SMOX: variants seen among roughly 807,000 people sequenced by gnomAD.
SMOX encodes the protein spermine oxidase, also known as flavin containing amine oxidase.
In SMOX, 22 loss-of-function variants were observed where a neutral mutation model predicts 51.0. That is an observed-to-expected ratio of 0.43 (90% CI 0.31 to 0.62). The LOEUF is 0.62. Ranked by LOEUF, SMOX falls within the 20% of genes least tolerant of loss-of-function variation. The pLI, the probability that SMOX is intolerant of heterozygous loss-of-function variation, is 0.10. For missense variants in SMOX, 566 were observed against 777.7 expected (o/e 0.73, Z 3.24); for synonymous variants, 282 against 307.8 (o/e 0.92, Z 0.88).
intron 1 of SMOX, among the ~76,000 whole-genome samples, chr20:4,174,222 A>G (rs187061249): frequency 2.3e-3 from 347 of 152,286 alleles, no homozygotes; most frequent in African/African-American, 7.8e-3. Flanking sequence ...GCCAGAGACA[A>G]GAGAAGGGGC....
intron 2 of SMOX, among the ~76,000 whole-genome samples, chr20:4,176,484 A>T (rs1741316): frequency 0.038 from 5,729 of 152,236 alleles, 261 homozygotes; most frequent in East Asian, 0.21. Flanking sequence ...CTTGGCAAAA[A>T]GTGTGCCACA....
chr20:4,158,111 A>G (rs180846668), intron 1 of SMOX, among the ~76,000 whole-genome samples: 2,660 of 149,888 alleles, frequency 0.018, 80 homozygotes, highest in East Asian at 0.12. Context: ...CTTGTTAGCC[A>G]GGATGGTCTC....
In SMOX at chr20:4,183,795, G is replaced by C; in HGVS notation, c.1530+141G>C. On this transcript the variant is annotated intron_variant, in intron 6 of 6. Coordinates refer to ENST00000305958, the MANE Select transcript of SMOX (RefSeq NM_175839.3). The surrounding 1 kb of genome is among the most constrained non-coding windows in gnomAD (Gnocchi z 4.3). ...GGATGGAGTAGCTTCTGTAATGAGAGAGAACACAAGGAAAAAAGTGTGCAC... is the reference window on the plus strand; with the variant it reads ...GGATGGAGTAGCTTCTGTAATGAGACAGAACACAAGGAAAAAAGTGTGCAC... 1.1e-6 allele frequency: 1 copy of C among 922,692 alleles called. No individual in the cohort carries two copies. Among genetic ancestry groups the C allele is most frequent in the Non-Finnish European group, 1.5e-6 (1 of 666,068 alleles). 57.2% of individuals were successfully genotyped at this position (922,692 alleles called of 1,614,324 possible). A position where few individuals can be genotyped will look rare whatever the true frequency, so the allele number is the denominator to read the frequency against.
In SMOX at chr20:4,187,336, C is replaced by T; in HGVS notation, c.1597C>T (p.Leu533=). The change falls in exon 7 of 7, where the codon CTG becomes TTG. Residue 533 remains leucine (L), a synonymous_variant. Coordinates refer to ENST00000305958, the MANE Select transcript of SMOX (RefSeq NM_175839.3). This position sits in a 1 kb window ranked among gnomAD's most constrained non-coding sequence, Gnocchi z 4.8. The stretch of plus-strand genomic sequence containing the variant: ...GTACTATTCCACCACCCACGGTGCT[C>T]TGCTGTCCGGCCAGCGTGAGGCTGC... ...RKYYSTTHGA[L]LSGQREAARL... The T allele has an allele frequency of 4.3e-6, 7 of 1,614,238 alleles. No homozygotes were observed. The highest frequency in any genetic ancestry group is 5.9e-6 in the Non-Finnish European group (7 of 1,180,040).
rs115476884 is a variant in SMOX at position 4,174,695 on chromosome 20, G to A, written c.-26-335G>A. On this transcript the variant is annotated intron_variant, in intron 1 of 6. Coordinates refer to ENST00000305958, the MANE Select transcript of SMOX (RefSeq NM_175839.3). ...AGAAGCAGGGCCTAACAAGTTTGGG[G>A]GTGGGATTGAGAATTTCAGGGGCTT... Among the ~76,000 whole-genome samples the A allele has an allele frequency of 4.6e-3, 703 of 152,302 alleles. 10 individuals carry two copies. The highest frequency in any genetic ancestry group is 0.016 in the African/African-American group (683 of 41,570).
At chr20:4,178,830 T>C (rs902002969) in intron 3 of SMOX, among the ~76,000 whole-genome samples, 1 of 152,088 alleles carries the variant, frequency 6.6e-6, no homozygotes, top group African/African-American at 2.4e-5. Flanking sequence ...ATTACAGGCA[T>C]GTACCACCAT....
intron 2 of SMOX, among the ~76,000 whole-genome samples, chr20:4,175,794 C>T (rs1054933414): frequency 2.0e-5 from 3 of 150,180 alleles, no homozygotes; most frequent in African/African-American, 7.4e-5. Context: ...GAGAAAGCAG[C>T]CAGGTAAGAG....
In SMOX at chr20:4,166,252, C is replaced by T. The variant is rs116903301; in HGVS notation, c.-26-8778C>T. On this transcript the variant is annotated intron_variant, in intron 1 of 6. Coordinates refer to ENST00000305958, the MANE Select transcript of SMOX (RefSeq NM_175839.3). The surrounding 1 kb of genome is among the most constrained non-coding windows in gnomAD (Gnocchi z 4.2). ...GGGGTGTGGCCTGGGGAAGTAACTG[C>T]AGTACCAAGCTCTGTTCTGGCCCAT... 8.3e-4 allele frequency among the ~76,000 whole-genome samples: 126 copies of T among 152,242 alleles called. 1 individual carries two copies. In the East Asian group the frequency reaches 0.022, roughly 26 times the overall value.
intron 1 of SMOX, among the ~76,000 whole-genome samples, chr20:4,157,421 G>A (rs922463509): frequency 6.6e-6 from 1 of 152,188 alleles, no homozygotes; most frequent in African/African-American, 2.4e-5. Flanking sequence ...CAGAGGAGAA[G>A]AAAGAGGGTG....
In SMOX at chr20:4,182,459, A is replaced by G; in HGVS notation, c.980A>G (p.His327Arg). Reference sequence around the variant, plus strand: ...GACTGTGAGCTGATCCCGGCGGACCATGTGATTGTGACCGTGTCGCTAGGT... The same window carrying G: ...GACTGTGAGCTGATCCCGGCGGACCGTGTGATTGTGACCGTGTCGCTAGGT... ...CEDCELIPAD[H>R]VIVTVSLGVL... The change falls in exon 5 of 7, where the codon CAT (histidine) becomes CGT (arginine). Residue 327 changes from histidine (H) to arginine (R), a missense_variant. This residue lies in a region of SMOX where 347 missense variants were observed against 481.8 expected (regional missense o/e 0.72). Transcript: ENST00000305958. This position sits in a 1 kb window ranked among gnomAD's most constrained non-coding sequence, Gnocchi z 8.4. The G allele has an allele frequency of 6.3e-7, 1 of 1,599,876 alleles. No homozygotes were observed. The highest frequency in any genetic ancestry group is 2.2e-5 in the East Asian group (1 of 44,710).
rs1212380898 is a variant in SMOX, at chr20:4,170,901, A to G, written c.-26-4129A>G. Among the ~76,000 whole-genome samples the G allele has an allele frequency of 3.3e-5, 5 of 152,018 alleles. No individual in the cohort carries two copies. Among genetic ancestry groups the G allele is most frequent in the African/African-American group, 4.8e-5 (2 of 41,376 alleles). On this transcript the variant is annotated intron_variant, in intron 1 of 6. Transcript: ENST00000305958. The surrounding 1 kb of genome is among the most constrained non-coding windows in gnomAD (Gnocchi z 4.6). ...AAATTGCCAGGGGACCGGGGGGTGC[A>G]CTCATGCCCTGGCTGGCCTGATTTC...
chr20:4,150,531 G>C (rs538944089), intron 1 of SMOX, among the ~76,000 whole-genome samples: 2 of 152,290 alleles, frequency 1.3e-5, no homozygotes, highest in East Asian at 1.9e-4. Flanking sequence ...GGGCCCCAGG[G>C]CTTTGTCCGT....
Position 4,149,179 on chromosome 20 carries a change from G to T in SMOX, c.-27+202G>T, listed in dbSNP as rs1985595359. ...GTTCCGGGAGGCTCGCGGGGAGCAG[G>T]GGGCGCCGCGCCCCCCTGGCTTCCG... On this transcript the variant is annotated intron_variant, in intron 1 of 6. Transcript: ENST00000305958. This position sits in a 1 kb window ranked among gnomAD's most constrained non-coding sequence, Gnocchi z 6.0. Among the ~76,000 whole-genome samples the T allele has an allele frequency of 6.7e-6, 1 of 149,566 alleles. No individual in the cohort carries two copies. Among genetic ancestry groups the T allele is most frequent in the African/African-American group, 2.4e-5 (1 of 41,096 alleles).
chr20:4,186,607 C>T, intron 6 of SMOX: 1 of 657,892 alleles, frequency 1.5e-6, no homozygotes, highest in Non-Finnish European at 2.7e-6. Flanking sequence ...TTCAAAGGTC[C>T]TGTCCTCTGG....
In SMOX at chr20:4,168,502, G is replaced by T. The variant is rs568048232; in HGVS notation, c.-26-6528G>T. On this transcript the variant is annotated intron_variant, in intron 1 of 6. Transcript: ENST00000305958. ...AAAGGCAGGGCTCAGGCACACTTGG[G>T]AATAGCCTGTGTTCGGAGGGGGCCA... 3.5e-4 allele frequency among the ~76,000 whole-genome samples: 53 copies of T among 152,194 alleles called. 1 individual carries two copies. In the South Asian group the frequency reaches 0.011, roughly 31 times the overall value.
chr20:4,168,895 A>ATTTTATTTTATTTTG lies in SMOX; in HGVS notation c.-26-6121_-26-6120insGTTTTATTTTATTTT, dbSNP rs1356973494. On this transcript the variant is annotated intron_variant, in intron 1 of 6. Transcript: ENST00000305958. ...TAAAATTAATGCTCTATTTTATTTTATTTTATTTTATTTTATTTTATTTTA... is the reference window on the plus strand; with the variant it reads ...TAAAATTAATGCTCTATTTTATTTTATTTTATTTTATTTTGTTTTATTTTATTTTATTTTATTTTA... 9.9e-5 allele frequency among the ~76,000 whole-genome samples: 7 copies of ATTTTATTTTATTTTG among 70,684 alleles called. No individual in the cohort carries two copies. In the African/African-American group the frequency reaches 1.0e-3, roughly 10 times the overall value. 46.4% of individuals were successfully genotyped at this position (70,684 alleles called of 152,430 possible).
intron 1 of SMOX, among the ~76,000 whole-genome samples, chr20:4,158,615 C>G (rs575378425): frequency 6.6e-6 from 1 of 152,296 alleles, no homozygotes; most frequent in African/African-American, 2.4e-5. Context: ...CTAGCCACCC[C>G]TGCCAACTCT....
intron 1 of SMOX, among the ~76,000 whole-genome samples, chr20:4,157,922 T>C (rs12625541): frequency 4.6e-5 from 7 of 151,190 alleles, no homozygotes; most frequent in Admixed American, 4.6e-4. Context: ...TTTTTTTGAG[T>C]TGGAGTCTCG....
chr20:4,173,028 G>A (rs1424626973), intron 1 of SMOX, among the ~76,000 whole-genome samples: 11 of 152,202 alleles, frequency 7.2e-5, no homozygotes, highest in Non-Finnish European at 1.5e-5. Flanking sequence ...GGAGAAGAAA[G>A]TCAGTGTGGC....
Sources: allele counts gnomAD v4.1 joint callset (sites outside exome capture counted in the v4.1 genomes callset), GRCh38; gene constraint gnomAD v4.1.1; regional missense constraint gnomAD v4.1.1; non-coding constraint Gnocchi (gnomAD v3.1); transcripts MANE v1.5; gene names NCBI Gene and HGNC (gene_info 2026-07-23, HGNC 2026-07-21).